The following BSCL2 variants were observed in gnomAD, a reference collection of about 807,000 sequenced individuals.
BSCL2 encodes BSCL2 lipid droplet biogenesis associated, seipin, also known as seipin.
In BSCL2, 41 loss-of-function variants were observed where a neutral mutation model predicts 57.4. The observed-to-expected ratio is 0.71, with a 90% CI of 0.56 to 0.93. The LOEUF is 0.93. BSCL2 is among the 40% of genes least tolerant of loss of function. BSCL2 has a pLI of 0.00. For synonymous variants in BSCL2, 237 were observed against 227.3 expected, an observed-to-expected ratio of 1.04 and a Z score of -0.38; for missense variants, 539 against 586.7, an observed-to-expected ratio of 0.92 and a Z score of 0.84.
intron 5 of BSCL2, 75 bp from the exon 6 acceptor site, chr11:62,692,548 C>T (rs752527918): frequency 1.4e-5 from 22 of 1,611,530 alleles, no homozygotes; most frequent in Non-Finnish European, 1.8e-5. Flanking sequence ...TCATCTGAGC[C>T]CCACTTCCAG....
At position 62,691,441 on chromosome 11, in the gene BSCL2, CAAG is replaced by C; in HGVS notation, c.864-23_864-21del. 2 of 1,613,828 alleles carry C rather than the reference CAAG, an allele frequency of 1.2e-6. No homozygotes were observed. The highest frequency in any genetic ancestry group is 1.7e-6 in the Non-Finnish European group (2 of 1,179,770). ...AGGTATCTGAGGCAGGAAGTAGGGA[CAAG>C]AAGGTAGTAGCAGTTACCAGAGAGC... On this transcript the variant is annotated intron_variant, in intron 6 of 10. Transcript: ENST00000360796.
intron 1 of BSCL2, 131 bp from the exon 2 acceptor site, chr11:62,705,748 T>C: frequency 1.1e-6 from 1 of 901,240 alleles, no homozygotes; most frequent in Non-Finnish European, 1.6e-6. Flanking sequence ...ATATATGGCC[T>C]TTCTCCAAAT....
chr11:62,703,150 C>CAAA (rs35672317), intron 2 of BSCL2, among the ~76,000 whole-genome samples: 6 of 139,050 alleles, frequency 4.3e-5, no homozygotes, highest in African/African-American at 1.6e-4. Flanking sequence ...AACTCCATCT[C>CAAA]AAAAAAAAAA....
intron 3 of BSCL2, among the ~76,000 whole-genome samples, chr11:62,695,473 C>T (rs1304734069): frequency 2.0e-5 from 3 of 150,996 alleles, no homozygotes; most frequent in South Asian, 2.1e-4. Flanking sequence ...CTTTGGGAGG[C>T]CAAGGCAGGT....
chr11:62,699,586 A>C (rs1188865416), intron 3 of BSCL2, among the ~76,000 whole-genome samples: 4 of 151,832 alleles, frequency 2.6e-5, no homozygotes, highest in Non-Finnish European at 5.9e-5. Flanking sequence ...CATACCTGTA[A>C]TCCCAGCAGT....
In BSCL2 at chr11:62,690,460, A is replaced by G. The variant is rs1362768761; in HGVS notation, c.1296T>C (p.Pro432=). Residue 432 remains proline, a synonymous_variant, in exon 11 of 11, where the codon CCT becomes CCC. Transcript: ENST00000360796. ...CTAGGACAGGGGCAGAAGCAGAAGC[A>G]GGAGCAGGAGCAGGCAGGTTGGCCT... ...LTEANLPAPA[P]ASASAPVLET... 1 of 1,614,188 alleles carries G rather than the reference A, an allele frequency of 6.2e-7. No homozygotes were observed.
In BSCL2 at chr11:62,692,690, T is replaced by G; in HGVS notation, c.738A>C (p.Glu246Asp). The G allele has an allele frequency of 6.2e-7, 1 of 1,614,082 alleles. No homozygotes were observed. Among genetic ancestry groups the G allele is most frequent in the Non-Finnish European group, 8.5e-7 (1 of 1,180,010 alleles). ...AGTTCTCTCTATAGTCTGCGTAGAG[T>G]TCCACCTCCAGCAGCTGCTTCTGCT... ...FAEQKQLLEV[E>D]LYADYRENSY... The change falls in exon 5 of 11, where the codon GAA becomes GAC. Residue 246 changes from glutamate (E) to aspartate (D), a missense_variant. Transcript: ENST00000360796.
At chr11:62,708,967 G>A (rs2083587983), upstream of BSCL2, 3 of 663,170 alleles carry the variant, frequency 4.5e-6, no homozygotes, top group Non-Finnish European at 8.0e-6. Flanking sequence ...TCACCTATCT[G>A]TCGACCCCAT....
At chr11:62,705,737 T>C in intron 1 of BSCL2, 120 bp from the exon 2 acceptor site, 1 of 988,126 alleles carries the variant, frequency 1.0e-6, no homozygotes, top group Non-Finnish European at 1.4e-6. Flanking sequence ...CATTGTTTCA[T>C]ATATATGGCC....
upstream of BSCL2, chr11:62,708,416 TC>T: frequency 6.5e-7 from 1 of 1,539,058 alleles, no homozygotes; most frequent in Non-Finnish European, 9.0e-7. Flanking sequence ...CCTGGCTGGC[TC>T]CCATTAGTTG....
chr11:62,708,584 C>G (rs1394743910), upstream of BSCL2: 1 of 1,550,794 alleles, frequency 6.4e-7, no homozygotes, highest in Non-Finnish European at 8.8e-7. Context: ...CGTAAGGAGC[C>G]CTGGAGATGG....
chr11:62,696,587 G>A (rs982169486), intron 3 of BSCL2, among the ~76,000 whole-genome samples: 6 of 151,070 alleles, frequency 4.0e-5, no homozygotes, highest in East Asian at 3.9e-4. Context: ...ACAGGATCTC[G>A]CTCTTGTCAC....
rs528690056 is a variant in BSCL2, at chr11:62,704,862, T to C, written c.404+439A>G. On this transcript the variant is annotated intron_variant, in intron 2 of 10. Coordinates refer to ENST00000360796, the MANE Select transcript of BSCL2 (RefSeq NM_001122955.4). ...TTTATGCGCCTACTCATCTTATGTTTCCATAATCTCTATTGTGTAGCCGAC... is the reference window on the plus strand; with the variant it reads ...TTTATGCGCCTACTCATCTTATGTTCCCATAATCTCTATTGTGTAGCCGAC... 9.2e-5 allele frequency among the ~76,000 whole-genome samples: 14 copies of C among 152,270 alleles called. No individual in the cohort carries two copies. In the East Asian group the frequency reaches 2.7e-3, roughly 29 times the overall value.
At chr11:62,699,046 C>T (rs1945558272) in intron 3 of BSCL2, among the ~76,000 whole-genome samples, 1 of 151,988 alleles carries the variant, frequency 6.6e-6, no homozygotes, top group South Asian at 2.1e-4. Flanking sequence ...GCTGGGATTA[C>T]AGGTGCACAC....
chr11:62,690,752 G>A, intron 9 of BSCL2, 35 bp downstream of exon 9: 2 of 1,613,758 alleles, frequency 1.2e-6, no homozygotes, highest in Non-Finnish European at 1.7e-6. Flanking sequence ...AAGCCAAGGA[G>A]TCAGGAAGGA....
rs1471285147 is a variant in BSCL2 at position 62,705,316 on chromosome 11, A to G, written c.389T>C (p.Val130Ala). ...YMPTVSHLSP[V>A]HFYYRTDCDS... ...CCCCTCTCACCTGTAGTAGAAATGCACAGGGCTGAGGTGGCTGACTGTCGG... is the reference window on the plus strand; with the variant it reads ...CCCCTCTCACCTGTAGTAGAAATGCGCAGGGCTGAGGTGGCTGACTGTCGG... The change falls in exon 2 of 11, where the codon GTG becomes GCG. Residue 130 changes from valine (V) to alanine (A), a missense_variant. Transcript: ENST00000360796. 6.8e-6 allele frequency: 11 copies of G among 1,612,480 alleles called. No individual in the cohort carries two copies. Among genetic ancestry groups the G allele is most frequent in the Middle Eastern group, 1.6e-4 (1 of 6,080 alleles).
At position 62,694,613 on chromosome 11, in the gene BSCL2, G is replaced by C. The variant is rs571672404; in HGVS notation, c.585C>G (p.Ser195=). The change falls in exon 4 of 11, where the codon TCC becomes TCG. Residue 195 remains serine, a synonymous_variant. Coordinates refer to ENST00000360796, the MANE Select transcript of BSCL2 (RefSeq NM_001122955.4). ...TGATTCGGCCACCTCTGGTGTAGCA[G>C]GAAATGGTGACCAAGAACATGCCCA... ...QDLGMFLVTI[S]CYTRGGRIIS... 3.7e-6 allele frequency: 6 copies of C among 1,614,136 alleles called. No individual in the cohort carries two copies. The South Asian group carries it at 6.6e-5, about 18-fold the overall frequency.
At chr11:62,700,144 A>G (rs1358006155) in intron 3 of BSCL2, among the ~76,000 whole-genome samples, 1 of 149,816 alleles carries the variant, frequency 6.7e-6, no homozygotes, top group Non-Finnish European at 1.5e-5. Flanking sequence ...AGTCCCAGCT[A>G]CTTGGGAGAT....
intron 5 of BSCL2, 65 bp downstream of exon 5, chr11:62,692,598 A>G: frequency 6.2e-7 from 1 of 1,612,878 alleles, no homozygotes; most frequent in African/African-American, 1.3e-5. Flanking sequence ...GAGGCTTCTC[A>G]GGTAGAATCC....
Sources: gnomAD v4.1 joint callset for allele counts (sites outside exome capture counted in the v4.1 genomes callset) on GRCh38, gnomAD v4.1.1 for gene constraint, MANE v1.5 for transcripts, NCBI Gene and HGNC (gene_info 2026-07-23, HGNC 2026-07-21) for gene names.